DLEU7: variants seen among roughly 807,000 people sequenced by gnomAD.
DLEU7 encodes the protein deleted in lymphocytic leukemia 7.
In DLEU7, 17 loss-of-function variants were observed where a neutral mutation model predicts 16.0. That is an observed-to-expected ratio of 1.06 (90% CI 0.73 to 1.59). The LOEUF is 1.59. Among genes scored for constraint, DLEU7 ranks in the 40% most tolerant of loss-of-function variants. DLEU7 has a pLI of 0.00. For missense variants in DLEU7, 308 were observed against 314.9 expected, an observed-to-expected ratio of 0.98 and a Z score of 0.17; for synonymous variants, 113 against 139.8, an observed-to-expected ratio of 0.81 and a Z score of 1.35.
At chr13:50,762,069 G>A (rs1874950123) in intron 1 of DLEU7, among the ~76,000 whole-genome samples, 1 of 151,354 alleles carries the variant, frequency 6.6e-6, no homozygotes, top group South Asian at 2.1e-4. Context: ...GTGGGCACCT[G>A]TAATCCCAGC....
chr13:50,737,024 GA>G (rs1874089719), intron 1 of DLEU7, among the ~76,000 whole-genome samples: 1 of 152,034 alleles, frequency 6.6e-6, no homozygotes, highest in Non-Finnish European at 1.5e-5. Context: ...AGTTTCACAG[GA>G]AAAAAATTAT....
rs530650087 is a variant in DLEU7 at position 50,843,085 on chromosome 13, G to A, written c.459+103C>T. 1.9e-3 allele frequency: 2,273 copies of A among 1,168,694 alleles called. 6 individuals are homozygous for A. The highest frequency in any genetic ancestry group is 2.3e-3 in the Non-Finnish European group (1,989 of 857,728). 72.4% of individuals were successfully genotyped at this position (1,168,694 alleles called of 1,614,324 possible). On this transcript the variant is annotated intron_variant, in intron 1 of 1. Transcript: ENST00000504404. The surrounding 1 kb of genome is among the most constrained non-coding windows in gnomAD (Gnocchi z 5.7). ...GGGCTGAATCACAGTGGGCAGCAGT[G>A]TTTGGGATCCTGCGATCCACCCATC...
At chr13:50,805,678 T>C (rs1298267977) in intron 1 of DLEU7, among the ~76,000 whole-genome samples, 2 of 152,248 alleles carry the variant, frequency 1.3e-5, no homozygotes, top group East Asian at 3.8e-4. Flanking sequence ...GTCTTCTTTG[T>C]GCAGTTTCCT....
chr13:50,717,762 G>T (rs1873480727), intron 1 of DLEU7, among the ~76,000 whole-genome samples: 1 of 152,068 alleles, frequency 6.6e-6, no homozygotes, highest in Non-Finnish European at 1.5e-5. Flanking sequence ...TAACAGCAAT[G>T]CCCAAGGCAG....
intron 1 of DLEU7, among the ~76,000 whole-genome samples, chr13:50,805,282 G>GT (rs1168796679): frequency 6.6e-6 from 1 of 152,090 alleles, no homozygotes; most frequent in Non-Finnish European, 1.5e-5. Flanking sequence ...GGATGTTGGA[G>GT]TTTATCAAAT....
At chr13:50,783,139 G>C (rs142925281) in intron 1 of DLEU7, among the ~76,000 whole-genome samples, 56 of 152,328 alleles carry the variant, frequency 3.7e-4, no homozygotes, top group African/African-American at 1.2e-3. Context: ...ATTCTAAAGT[G>C]TGTTTCTCCA....
intron 1 of DLEU7, among the ~76,000 whole-genome samples, chr13:50,746,730 C>T (rs1874406340): frequency 6.6e-6 from 1 of 152,038 alleles, no homozygotes; most frequent in Non-Finnish European, 1.5e-5. Flanking sequence ...CACTGTTTTT[C>T]AGAGCCTTCT....
At chr13:50,829,098 A>C (rs1252842999) in intron 1 of DLEU7, among the ~76,000 whole-genome samples, 1 of 152,182 alleles carries the variant, frequency 6.6e-6, no homozygotes, top group Non-Finnish European at 1.5e-5. Flanking sequence ...AATTTAGCTC[A>C]TCAGCTATCA....
intron 1 of DLEU7, among the ~76,000 whole-genome samples, chr13:50,838,747 C>T (rs1416948382): frequency 6.6e-6 from 1 of 152,136 alleles, no homozygotes; most frequent in African/African-American, 2.4e-5. Flanking sequence ...GAGATATGGT[C>T]TTAGCGAGGT....
At chr13:50,829,220 G>A (rs189141586) in intron 1 of DLEU7, among the ~76,000 whole-genome samples, 1 of 152,154 alleles carries the variant, frequency 6.6e-6, no homozygotes, top group Non-Finnish European at 1.5e-5. Context: ...AGCTTATGGG[G>A]TGGCCTGTGT....
chr13:50,840,796 C>A (rs1877632361), intron 1 of DLEU7, among the ~76,000 whole-genome samples: 1 of 150,886 alleles, frequency 6.6e-6, no homozygotes, highest in Non-Finnish European at 1.5e-5. Flanking sequence ...GATGGGGGGG[C>A]AGCACTTGAA....
At chr13:50,788,771 A>G (rs7991063) in intron 1 of DLEU7, among the ~76,000 whole-genome samples, 2 of 152,222 alleles carry the variant, frequency 1.3e-5, no homozygotes, top group Non-Finnish European at 2.9e-5. Flanking sequence ...GAGAGATGCT[A>G]GGTTAAGACT....
chr13:50,827,181 T>C (rs1877113947), intron 1 of DLEU7, among the ~76,000 whole-genome samples: 1 of 152,210 alleles, frequency 6.6e-6, no homozygotes, highest in Non-Finnish European at 1.5e-5. Flanking sequence ...ACGGTTCATT[T>C]TGGAGCAAGA....
At chr13:50,816,613 G>C (rs1420350662) in intron 1 of DLEU7, among the ~76,000 whole-genome samples, 1 of 151,972 alleles carries the variant, frequency 6.6e-6, no homozygotes, top group African/African-American at 2.4e-5. Context: ...AGACAAGAGG[G>C]TATCAAAGAC....
intron 1 of DLEU7, among the ~76,000 whole-genome samples, chr13:50,815,222 A>T (rs2137794552): frequency 6.6e-6 from 1 of 152,240 alleles, no homozygotes; most frequent in Non-Finnish European, 1.5e-5. Context: ...ATGATAATTA[A>T]TGCATAGAAG....
intron 1 of DLEU7, among the ~76,000 whole-genome samples, chr13:50,794,301 CTT>C (rs11287814): frequency 8.6e-4 from 126 of 147,254 alleles, no homozygotes; most frequent in Admixed American, 1.4e-3. Context: ...AGTAAAAAGA[CTT>C]TTTTTTTTTT....
intron 1 of DLEU7, among the ~76,000 whole-genome samples, chr13:50,716,887 G>C (rs954154180): frequency 1.6e-4 from 24 of 152,196 alleles, no homozygotes; most frequent in African/African-American, 3.9e-4. Context: ...TCTAGGTAGA[G>C]ACATGAGAGT....
intron 1 of DLEU7, among the ~76,000 whole-genome samples, chr13:50,810,022 G>A (rs1235839184): frequency 1.8e-5 from 2 of 111,286 alleles, no homozygotes; most frequent in Non-Finnish European, 2.0e-5. Flanking sequence ...GCTTGGGGTA[G>A]CACTTTTTTT....
chr13:50,826,890 A>AT lies in DLEU7; in HGVS notation c.460-3371dup, dbSNP rs200210051. ...AGCTTCAAATAACTGTCAACCTAGA[A>AT]TTTTTTTTTTATTCCTACCAAACTA... On this transcript the variant is annotated intron_variant, in intron 1 of 1. Transcript: ENST00000504404. 1.1e-3 allele frequency among the ~76,000 whole-genome samples: 161 copies of AT among 150,732 alleles called. 1 individual carries two copies. Among genetic ancestry groups the AT allele is most frequent in the African/African-American group, 3.5e-3 (146 of 41,170 alleles).
Sources: allele counts gnomAD v4.1 joint callset (sites outside exome capture counted in the v4.1 genomes callset), GRCh38; gene constraint gnomAD v4.1.1; non-coding constraint Gnocchi (gnomAD v3.1); transcripts MANE v1.5; gene names NCBI Gene and HGNC (gene_info 2026-07-23, HGNC 2026-07-21).